Variants in KDM4C observed in about 807,000 individuals in gnomAD.
KDM4C encodes the protein lysine demethylase 4C, also known as lysine-specific demethylase 4C.
Under a neutral mutation model 129.3 loss-of-function variants are expected in KDM4C, and 81 were observed. The observed-to-expected ratio is 0.63, with a 90% CI of 0.52 to 0.75. The LOEUF (loss-of-function observed/expected upper bound fraction) is 0.75. Ranked by LOEUF, KDM4C falls within the 30% of genes least tolerant of loss-of-function variation. The probability of loss-of-function intolerance (pLI) is 0.00; values close to 1 mark genes in which losing one functional copy is unlikely to be tolerated. For synonymous variants in KDM4C, 573 were observed against 456.1 expected (o/e 1.26, Z -3.26); for missense variants, 1,457 against 1,304.0 (o/e 1.12, Z -1.81).
intron 20 of KDM4C, among the ~76,000 whole-genome samples, chr9:7,169,082 C>G (rs1169977536): frequency 6.7e-6 from 1 of 148,534 alleles, no homozygotes; most frequent in Admixed American, 6.7e-5. Flanking sequence ...AATATATTAT[C>G]TTTTCTTTCA....
intron 18 of KDM4C, among the ~76,000 whole-genome samples, chr9:7,113,327 AC>A (rs1204500192): frequency 6.6e-6 from 1 of 152,226 alleles, no homozygotes; most frequent in African/African-American, 2.4e-5. Flanking sequence ...AATATTTAGC[AC>A]AGACCTTTTA....
intron 19 of KDM4C, among the ~76,000 whole-genome samples, chr9:7,157,454 A>G (rs1168753226): frequency 1.3e-5 from 2 of 152,152 alleles, no homozygotes; most frequent in Non-Finnish European, 2.9e-5. Flanking sequence ...GAATGCTTCC[A>G]GTTTTTGTCC....
intron 8 of KDM4C, among the ~76,000 whole-genome samples, chr9:6,898,991 C>T (rs1816900964): frequency 6.6e-6 from 1 of 151,036 alleles, no homozygotes; most frequent in Non-Finnish European, 1.5e-5. Context: ...CTTGGCATTT[C>T]AATTTTAAGT....
Position 6,814,704 on chromosome 9 carries a change from C to G in KDM4C, c.394C>G (p.Pro132Ala), listed in dbSNP as rs1035585292. ...KYWKNLTFVAPIYGADINGSI... is the reference protein window; with the variant it reads ...KYWKNLTFVAAIYGADINGSI... ...CTGGAAGAACTTAACTTTTGTGGCA[C>G]CTATCTATGGTGCAGATATTAATGG... Residue 132 changes from proline (P) to alanine (A), a missense_variant, in exon 4 of 22, where the codon CCT becomes GCT. Pro to Ala is a conservative substitution (Grantham distance 27). Transcript: ENST00000381309. 7.4e-6 allele frequency: 12 copies of G among 1,611,508 alleles called. No individual in the cohort carries two copies. The highest frequency in any genetic ancestry group is 9.3e-6 in the Non-Finnish European group (11 of 1,178,574).
At chr9:6,789,741 G>T (rs572092396) in intron 1 of KDM4C, among the ~76,000 whole-genome samples, 1 of 152,022 alleles carries the variant, frequency 6.6e-6, no homozygotes, top group Non-Finnish European at 1.5e-5. Context: ...CATGAATTTG[G>T]GGGTATGTAC....
At chr9:6,851,369 G>T (rs190704484) in intron 5 of KDM4C, among the ~76,000 whole-genome samples, 13 of 152,302 alleles carry the variant, frequency 8.5e-5, no homozygotes, top group Admixed American at 8.5e-4. Flanking sequence ...AAGTTTGTTG[G>T]AATGTCATCT....
chr9:7,107,371 A>G (rs1222813373), intron 18 of KDM4C, among the ~76,000 whole-genome samples: 2 of 152,248 alleles, frequency 1.3e-5, no homozygotes. Flanking sequence ...TATACACTAT[A>G]TACTTCTGCA....
At chr9:6,878,463 G>A (rs936309946) in intron 5 of KDM4C, among the ~76,000 whole-genome samples, 1 of 152,160 alleles carries the variant, frequency 6.6e-6, no homozygotes, top group South Asian at 2.1e-4. Flanking sequence ...AGGCCAGTAA[G>A]CCTACCTAGG....
chr9:7,025,244 G>A (rs755931413), intron 15 of KDM4C, among the ~76,000 whole-genome samples: 3 of 152,058 alleles, frequency 2.0e-5, no homozygotes, highest in Non-Finnish European at 4.4e-5. Flanking sequence ...TTCAGCCTAT[G>A]TGTGTCTTTA....
chr9:6,869,001 A>T (rs781382793), intron 5 of KDM4C, among the ~76,000 whole-genome samples: 4 of 152,204 alleles, frequency 2.6e-5, no homozygotes, highest in Non-Finnish European at 5.9e-5. Context: ...TTGTCTTACT[A>T]GATTTTATAA....
intron 1 of KDM4C, among the ~76,000 whole-genome samples, chr9:6,787,503 G>C (rs1825729872): frequency 6.6e-6 from 1 of 152,242 alleles, no homozygotes; most frequent in Non-Finnish European, 1.5e-5. Context: ...AAGGTGCTGG[G>C]ATTACAGGCG....
intron 1 of KDM4C, among the ~76,000 whole-genome samples, chr9:6,784,936 T>G (rs1825154580): frequency 6.6e-6 from 1 of 152,190 alleles, no homozygotes; most frequent in Non-Finnish European, 1.5e-5. Context: ...TAGAACCATT[T>G]GAGAAGGATG....
intron 1 of KDM4C, among the ~76,000 whole-genome samples, chr9:6,740,135 C>A (rs1337386656): frequency 6.6e-6 from 1 of 152,132 alleles, no homozygotes; most frequent in Admixed American, 6.6e-5. Flanking sequence ...GGTGATCTGC[C>A]TGCCTTGGCC....
intron 1 of KDM4C, among the ~76,000 whole-genome samples, chr9:6,767,265 A>T (rs1258286504): frequency 6.6e-6 from 1 of 151,322 alleles, no homozygotes; most frequent in Non-Finnish European, 1.5e-5. Flanking sequence ...CAGCCTCCCG[A>T]GTAGCTGGGA....
intron 5 of KDM4C, among the ~76,000 whole-genome samples, chr9:6,857,742 G>A (rs1327801976): frequency 2.0e-5 from 3 of 150,936 alleles, no homozygotes; most frequent in African/African-American, 7.3e-5. Flanking sequence ...GTTTTCCAGA[G>A]TAGCCAGCTG....
At chr9:6,925,663 C>T (rs11792447) in intron 8 of KDM4C, 298,189 of 982,542 alleles carry the variant, frequency 0.3, 47,240 homozygotes, top group South Asian at 0.39. Context: ...AGATGCTGTT[C>T]GGAGAACTGT....
At chr9:7,014,250 A>G (rs928807366) in intron 14 of KDM4C, 13 of 414,870 alleles carry the variant, frequency 3.1e-5, no homozygotes, top group African/African-American at 2.3e-4. Context: ...TTTGGGGTCC[A>G]GTTGAGGAGT....
chr9:6,822,683 T>G (rs762905717), intron 4 of KDM4C, among the ~76,000 whole-genome samples: 2 of 152,230 alleles, frequency 1.3e-5, no homozygotes, highest in Non-Finnish European at 2.9e-5. Context: ...ATACTCAGCC[T>G]TCTGTTAGAC....
upstream of KDM4C, chr9:6,757,972 G>A: frequency 1.0e-6 from 1 of 985,404 alleles, no homozygotes; most frequent in Non-Finnish European, 1.2e-6. Flanking sequence ...CTCGCGCAGG[G>A]AGAGCCGGCG....
Sources: gnomAD v4.1 joint callset for allele counts (sites outside exome capture counted in the v4.1 genomes callset) on GRCh38, gnomAD v4.1.1 for gene constraint, MANE v1.5 for transcripts, NCBI Gene and HGNC (gene_info 2026-07-23, HGNC 2026-07-21) for gene names.